DLG2: variants seen among roughly 807,000 people sequenced by gnomAD.
DLG2 encodes disks large homolog 2.
A neutral mutation model predicts 132.5 loss-of-function variants in DLG2; 45 were observed. That is an observed-to-expected ratio of 0.34 (90% CI 0.27 to 0.44). The LOEUF (loss-of-function observed/expected upper bound fraction) is 0.44. DLG2 is among the 20% of genes least tolerant of loss of function. DLG2 has a pLI of 1.00. For synonymous variants in DLG2, 424 were observed against 419.6 expected (o/e 1.01, Z -0.13); for missense variants, 1,045 against 1,196.9 (o/e 0.87, Z 1.87).
chr11:84,820,355 C>T (rs2077533748), intron 6 of DLG2, among the ~76,000 whole-genome samples: 2 of 151,792 alleles, frequency 1.3e-5, no homozygotes, highest in South Asian at 4.1e-4. Flanking sequence ...AACCAGTATC[C>T]CTTTCCAGTT....
chr11:84,714,516 C>G (rs1000155308), intron 6 of DLG2, among the ~76,000 whole-genome samples: 4 of 150,752 alleles, frequency 2.7e-5, no homozygotes, highest in Non-Finnish European at 5.9e-5. Context: ...TGGGAGCCCA[C>G]AACCCATTTC....
intron 5 of DLG2, among the ~76,000 whole-genome samples, chr11:85,130,199 G>C (rs767235561): frequency 1.2e-4 from 18 of 152,104 alleles, no homozygotes; most frequent in Non-Finnish European, 1.3e-4. Context: ...AGAACTTAAA[G>C]TACAATTCTA....
chr11:85,031,142 T>C (rs1406119840), intron 6 of DLG2, among the ~76,000 whole-genome samples: 1 of 152,054 alleles, frequency 6.6e-6, no homozygotes, highest in Non-Finnish European at 1.5e-5. Flanking sequence ...GCTAAGGCTT[T>C]TTGTTTCTTT....
chr11:85,506,692 T>C (rs542493410), intron 3 of DLG2, among the ~76,000 whole-genome samples: 1 of 152,342 alleles, frequency 6.6e-6, no homozygotes, highest in African/African-American at 2.4e-5. Flanking sequence ...ATGTATATTC[T>C]GTTGATTTGG....
chr11:85,273,400 A>G (rs917753440), intron 4 of DLG2, among the ~76,000 whole-genome samples: 3 of 152,186 alleles, frequency 2.0e-5, no homozygotes, highest in Non-Finnish European at 4.4e-5. Flanking sequence ...ACTTAAAAAA[A>G]TTTACAAGAA....
chr11:84,932,611 T>C (rs1354431457), intron 6 of DLG2, among the ~76,000 whole-genome samples: 1 of 152,160 alleles, frequency 6.6e-6, no homozygotes, highest in Non-Finnish European at 1.5e-5. Flanking sequence ...ACATGCAGTG[T>C]TTGGTTTTCT....
intron 6 of DLG2, among the ~76,000 whole-genome samples, chr11:85,056,456 G>T (rs1411096617): frequency 6.6e-6 from 1 of 151,932 alleles, no homozygotes; most frequent in Non-Finnish European, 1.5e-5. Context: ...TTAATTAATA[G>T]ATCCAAGCAC....
At chr11:83,835,948 A>G (rs924766711) in intron 16 of DLG2, among the ~76,000 whole-genome samples, 1 of 152,144 alleles carries the variant, frequency 6.6e-6, no homozygotes, top group Non-Finnish European at 1.5e-5. Context: ...ACACACCCCT[A>G]TAGTATATAC....
At chr11:84,593,655 G>C (rs2099549512) in intron 6 of DLG2, among the ~76,000 whole-genome samples, 2 of 152,152 alleles carry the variant, frequency 1.3e-5, no homozygotes. Flanking sequence ...CAGGGGTTGG[G>C]AGGCTAGGGA....
intron 7 of DLG2, among the ~76,000 whole-genome samples, chr11:84,418,314 C>T (rs75262074): frequency 0.032 from 4,844 of 152,138 alleles, 138 homozygotes; most frequent in South Asian, 0.16. Context: ...GCTGAAAAGT[C>T]CCAATGTGAA....
chr11:84,180,539 C>T (rs1353816081), intron 8 of DLG2, among the ~76,000 whole-genome samples: 3 of 151,904 alleles, frequency 2.0e-5, no homozygotes, highest in Admixed American at 2.0e-4. Context: ...TCAGAGAACA[C>T]CAAGCAGAAT....
intron 26 of DLG2, among the ~76,000 whole-genome samples, chr11:83,465,665 T>C (rs1000459196): frequency 2.0e-5 from 3 of 152,212 alleles, no homozygotes; most frequent in Admixed American, 2.0e-4. Context: ...ATAATAGGTA[T>C]TATTTATTGA....
chr11:85,147,208 AG>A (rs1463208351), intron 5 of DLG2, among the ~76,000 whole-genome samples: 3 of 152,160 alleles, frequency 2.0e-5, no homozygotes, highest in Non-Finnish European at 4.4e-5. Flanking sequence ...GTTCTTATGA[AG>A]GTGCTTTCTT....
rs183954726 is a variant in DLG2, at chr11:84,840,646, G to A, written c.357+271015C>T. Among the ~76,000 whole-genome samples the A allele has an allele frequency of 2.0e-3, 310 of 152,244 alleles. 3 individuals carry two copies. In the East Asian group the frequency reaches 0.039, roughly 19 times the overall value. ...GAAAATGTGGCACATATACACCATG[G>A]AATACTATGCAGCCATTAAAAAGGA... is the stretch of plus-strand genomic sequence containing the variant. On this transcript the variant is annotated intron_variant, in intron 6 of 27. Coordinates refer to ENST00000376104, the MANE Select transcript of DLG2 (RefSeq NM_001142699.3).
At chr11:84,514,340 G>C (rs371647492) in intron 7 of DLG2, among the ~76,000 whole-genome samples, 5 of 151,796 alleles carry the variant, frequency 3.3e-5, no homozygotes, top group Non-Finnish European at 7.4e-5. Context: ...CCCACTCCTG[G>C]GTATATACCT....
At chr11:83,503,546 C>T (rs2094556639) in intron 21 of DLG2, among the ~76,000 whole-genome samples, 1 of 151,252 alleles carries the variant, frequency 6.6e-6, no homozygotes, top group Non-Finnish European at 1.5e-5. Context: ...GAGAGCCAGT[C>T]CAAGTCCCAA....
chr11:85,509,801 A>C (rs1402347173), intron 3 of DLG2: 1 of 152,076 alleles, frequency 6.6e-6, no homozygotes. Context: ...TAAAATCACA[A>C]CTGTGATATA....
intron 18 of DLG2, among the ~76,000 whole-genome samples, chr11:83,784,906 C>T (rs976475452): frequency 6.6e-6 from 1 of 151,614 alleles, no homozygotes. Flanking sequence ...CAATGTCAGG[C>T]GATGGTGAAG....
intron 3 of DLG2, among the ~76,000 whole-genome samples, chr11:85,493,802 G>C (rs1481291683): frequency 6.8e-6 from 1 of 146,400 alleles, no homozygotes; most frequent in East Asian, 2.0e-4. Context: ...AAGGAAAGGA[G>C]GGAAGGAGGG....
Sources: allele counts gnomAD v4.1 joint callset (sites outside exome capture counted in the v4.1 genomes callset), GRCh38; gene constraint gnomAD v4.1.1; transcripts MANE v1.5; gene names NCBI Gene and HGNC (gene_info 2026-07-23, HGNC 2026-07-21).